NKAIN2: variants seen among roughly 807,000 people sequenced by gnomAD.
NKAIN2 encodes the protein sodium/potassium-transporting ATPase subunit beta-1-interacting protein 2.
In NKAIN2, 14 loss-of-function variants were observed where a neutral mutation model predicts 32.6. That is an observed-to-expected ratio of 0.43 (90% CI 0.28 to 0.67). The LOEUF is 0.67. Ranked by LOEUF, NKAIN2 falls within the 30% of genes least tolerant of loss-of-function variation. The pLI, the probability that NKAIN2 is intolerant of heterozygous loss-of-function variation, is 0.17. For missense variants in NKAIN2, 198 were observed against 258.3 expected (o/e 0.77, Z 1.60); for synonymous variants, 80 against 87.2 (o/e 0.92, Z 0.46).
intron 1 of NKAIN2, among the ~76,000 whole-genome samples, chr6:124,105,195 C>A (rs1785063313): frequency 6.6e-6 from 1 of 152,112 alleles, no homozygotes; most frequent in South Asian, 2.1e-4. Flanking sequence ...GGGTATGGGT[C>A]CAAGTATAAA....
intron 4 of NKAIN2, among the ~76,000 whole-genome samples, chr6:124,700,792 T>A (rs925828780): frequency 4.1e-4 from 62 of 151,702 alleles, no homozygotes; most frequent in African/African-American, 1.5e-3. Context: ...CAACCTCAGA[T>A]AACAGATTAG....
intron 4 of NKAIN2, among the ~76,000 whole-genome samples, chr6:124,756,622 C>T (rs1777979829): frequency 6.7e-6 from 1 of 149,436 alleles, no homozygotes; most frequent in African/African-American, 2.5e-5. Flanking sequence ...AGCAAGATCC[C>T]ATCTCTATAT....
chr6:124,658,110 C>A, intron 3 of NKAIN2, 76 bp from the exon 4 acceptor site: 4 of 1,179,426 alleles, frequency 3.4e-6, no homozygotes, highest in Admixed American at 2.4e-5. Context: ...ATGGGAAAGT[C>A]AAAGCAAGTC....
chr6:123,897,688 T>C (rs1165876693), intron 1 of NKAIN2, among the ~76,000 whole-genome samples: 1 of 152,046 alleles, frequency 6.6e-6, no homozygotes, highest in East Asian at 1.9e-4. Context: ...ATCTTGAATG[T>C]CATCTCCTGC....
chr6:123,926,828 T>C (rs1354057807), intron 1 of NKAIN2, among the ~76,000 whole-genome samples: 1 of 152,184 alleles, frequency 6.6e-6, no homozygotes, highest in Non-Finnish European at 1.5e-5. Flanking sequence ...TCACTTAGTG[T>C]TTAAAGTCCT....
At chr6:123,957,096 C>G (rs1007940760) in intron 1 of NKAIN2, among the ~76,000 whole-genome samples, 1 of 152,086 alleles carries the variant, frequency 6.6e-6, no homozygotes, top group African/African-American at 2.4e-5. Flanking sequence ...TGGTAGGCCC[C>G]AGTGTCTGTT....
intron 1 of NKAIN2, among the ~76,000 whole-genome samples, chr6:123,998,776 TGG>T (rs1491037989): frequency 4.3e-5 from 6 of 140,986 alleles, no homozygotes; most frequent in Non-Finnish European, 9.4e-5. Flanking sequence ...TGTGTGTGTG[TGG>T]AAAATATATA....
At chr6:124,163,853 G>A (rs1788396642) in intron 1 of NKAIN2, among the ~76,000 whole-genome samples, 1 of 151,978 alleles carries the variant, frequency 6.6e-6, no homozygotes, top group Non-Finnish European at 1.5e-5. Context: ...ATTTAATATG[G>A]AAAAGAACAG....
intron 2 of NKAIN2, among the ~76,000 whole-genome samples, chr6:124,330,013 T>C (rs1797592171): frequency 1.3e-5 from 2 of 152,208 alleles, no homozygotes. Flanking sequence ...TAATCATCTG[T>C]TACTGACTGG....
intron 2 of NKAIN2, among the ~76,000 whole-genome samples, chr6:124,321,004 C>T (rs1003921579): frequency 3.9e-5 from 6 of 152,024 alleles, no homozygotes; most frequent in African/African-American, 9.7e-5. Flanking sequence ...GAGCAGGCAG[C>T]GTATAGGATT....
At chr6:124,511,746 G>C (rs1477327557) in intron 3 of NKAIN2, among the ~76,000 whole-genome samples, 5 of 152,002 alleles carry the variant, frequency 3.3e-5, no homozygotes, top group Non-Finnish European at 5.9e-5. Context: ...AAATATTTGG[G>C]GTGACTAAGG....
intron 4 of NKAIN2, among the ~76,000 whole-genome samples, chr6:124,692,938 C>T (rs1386459366): frequency 6.6e-6 from 1 of 152,170 alleles, no homozygotes; most frequent in Non-Finnish European, 1.5e-5. Context: ...AATGCCCAAC[C>T]TATTGTTGGA....
chr6:124,586,954 A>G (rs2114952701), intron 3 of NKAIN2, among the ~76,000 whole-genome samples: 1 of 152,334 alleles, frequency 6.6e-6, no homozygotes, highest in Admixed American at 6.5e-5. Flanking sequence ...CCATTTATAC[A>G]ACTCCTCTTA....
intron 3 of NKAIN2, among the ~76,000 whole-genome samples, chr6:124,474,877 GTATATTA>G (rs1562207719): frequency 6.4e-5 from 2 of 31,412 alleles, no homozygotes; most frequent in African/African-American, 2.7e-4. Context: ...TACATATATT[GTATATTA>G]TATATTATAT....
chr6:124,363,084 A>G (rs921894630), intron 3 of NKAIN2, among the ~76,000 whole-genome samples: 10 of 152,040 alleles, frequency 6.6e-5, no homozygotes, highest in African/African-American at 2.2e-4. Context: ...ATCTGCCCTC[A>G]TTGGCCTCCC....
chr6:124,766,998 A>G (rs530472961), intron 4 of NKAIN2, among the ~76,000 whole-genome samples: 359 of 152,108 alleles, frequency 2.4e-3, no homozygotes, highest in Non-Finnish European at 4.1e-3. Context: ...TGGTTCAAGC[A>G]ATTCTCCTGC....
intron 4 of NKAIN2, among the ~76,000 whole-genome samples, chr6:124,726,551 A>G (rs1290775714): frequency 6.6e-6 from 1 of 150,412 alleles, no homozygotes; most frequent in Non-Finnish European, 1.5e-5. Flanking sequence ...CCAAAAACCC[A>G]TCTGTACATC....
In NKAIN2 at chr6:124,423,896, T is replaced by C. The variant is rs562694049; in HGVS notation, c.273+68549T>C. On this transcript the variant is annotated intron_variant, in intron 3 of 6. Transcript: ENST00000368417. ...ACTGTGACAAATAATTTTTTTGTTC[T>C]TTATAAGTTATCCAGTCTCAAGTGT... Among the ~76,000 whole-genome samples, 182 of 152,362 alleles carry C rather than the reference T, an allele frequency of 1.2e-3. 1 individual carries two copies. The South Asian group carries it at 0.016, about 14-fold the overall frequency.
intron 1 of NKAIN2, among the ~76,000 whole-genome samples, chr6:123,983,651 C>T (rs1779001801): frequency 6.6e-6 from 1 of 152,086 alleles, no homozygotes; most frequent in Non-Finnish European, 1.5e-5. Flanking sequence ...ACCCCCCCAC[C>T]TCTTGTCTGA....
Sources: gnomAD v4.1 joint callset for allele counts (sites outside exome capture counted in the v4.1 genomes callset) on GRCh38, gnomAD v4.1.1 for gene constraint, MANE v1.5 for transcripts, NCBI Gene and HGNC (gene_info 2026-07-23, HGNC 2026-07-21) for gene names.